GRIK2: variants seen among roughly 807,000 people sequenced by gnomAD.
GRIK2 encodes the protein glutamate receptor ionotropic, kainate 2.
A neutral mutation model predicts 100.3 loss-of-function variants in GRIK2; 32 were observed. That is an observed-to-expected ratio of 0.32 (90% confidence interval 0.24 to 0.43). GRIK2 has a LOEUF of 0.43. Ranked by LOEUF, GRIK2 falls within the 20% of genes least tolerant of loss-of-function variation. The pLI is 1.00. For synonymous variants in GRIK2, 417 were observed against 389.4 expected (o/e 1.07, Z -0.83); for missense variants, 843 against 1,114.9 (o/e 0.76, Z 3.47).
intron 7 of GRIK2, among the ~76,000 whole-genome samples, chr6:101,740,046 A>G (rs930324494): frequency 3.9e-5 from 6 of 152,194 alleles, no homozygotes; most frequent in South Asian, 2.1e-4. Context: ...CTCTCTGGGA[A>G]TGATATGGTG....
At chr6:101,509,049 T>C (rs1007091535) in intron 2 of GRIK2, among the ~76,000 whole-genome samples, 10 of 150,842 alleles carry the variant, frequency 6.6e-5, no homozygotes, top group Non-Finnish European at 1.2e-4. Context: ...TCACAGCTAC[T>C]CGGGAGGCTG....
intron 16 of GRIK2, among the ~76,000 whole-genome samples, chr6:102,062,723 A>T (rs950532119): frequency 2.0e-5 from 3 of 150,494 alleles, no homozygotes; most frequent in African/African-American, 7.3e-5. Context: ...AGGTCAATTC[A>T]TACTTCTGAT....
intron 2 of GRIK2, among the ~76,000 whole-genome samples, chr6:101,604,887 C>G (rs190626560): frequency 6.6e-6 from 1 of 151,876 alleles, no homozygotes; most frequent in Admixed American, 6.6e-5. Context: ...CAGCAGGTAG[C>G]TTGAATCTTC....
chr6:101,633,638 A>G (rs1049005885), intron 4 of GRIK2, among the ~76,000 whole-genome samples: 2 of 152,200 alleles, frequency 1.3e-5, no homozygotes, highest in Non-Finnish European at 2.9e-5. Flanking sequence ...TAGGAAATTC[A>G]GGAACTACAA....
At chr6:101,683,882 G>A (rs529711972) in intron 6 of GRIK2, among the ~76,000 whole-genome samples, 1 of 152,126 alleles carries the variant, frequency 6.6e-6, no homozygotes, top group African/African-American at 2.4e-5. Flanking sequence ...TTTTTCCTTT[G>A]TAGTGTCTCT....
chr6:101,608,527 G>T (rs1779533479), intron 2 of GRIK2, among the ~76,000 whole-genome samples: 2 of 151,888 alleles, frequency 1.3e-5, no homozygotes, highest in South Asian at 2.1e-4. Context: ...CTTGCTCAAA[G>T]ATTATTCCTT....
intron 11 of GRIK2, among the ~76,000 whole-genome samples, chr6:101,862,705 A>T (rs1473300846): frequency 1.3e-5 from 2 of 152,128 alleles, no homozygotes; most frequent in Non-Finnish European, 2.9e-5. Flanking sequence ...GATTATCGAC[A>T]TGAGCCACTG....
At chr6:101,473,107 TCC>T (rs1772036344) in intron 2 of GRIK2, among the ~76,000 whole-genome samples, 1 of 18,282 alleles carries the variant, frequency 5.5e-5, no homozygotes, top group Admixed American at 5.3e-4. Context: ...TTTCCTTCCT[TCC>T]TTCCTTCCTT....
At chr6:102,051,168 G>A (rs1171231040) in intron 15 of GRIK2, among the ~76,000 whole-genome samples, 7 of 152,002 alleles carry the variant, frequency 4.6e-5, no homozygotes, top group Non-Finnish European at 8.8e-5. Flanking sequence ...CTCATTTGGA[G>A]CATCAGGTCT....
chr6:101,844,336 A>C (rs2518198), intron 10 of GRIK2, among the ~76,000 whole-genome samples: 109,754 of 152,050 alleles, frequency 0.72, 42,128 homozygotes, highest in Non-Finnish European at 0.87. Context: ...AATAAGGAAA[A>C]AAGATGGGAG....
intron 4 of GRIK2, among the ~76,000 whole-genome samples, chr6:101,645,245 A>G (rs1781467993): frequency 6.6e-6 from 1 of 151,836 alleles, no homozygotes; most frequent in South Asian, 2.1e-4. Context: ...CTTAAACTAT[A>G]GTGTTACAAA....
At chr6:101,542,625 A>T (rs1259141539) in intron 2 of GRIK2, among the ~76,000 whole-genome samples, 1 of 152,158 alleles carries the variant, frequency 6.6e-6, no homozygotes, top group Non-Finnish European at 1.5e-5. Flanking sequence ...AGTTCAAAAC[A>T]TTACCGAGTT....
chr6:101,895,712 C>CA (rs201118964), intron 12 of GRIK2, among the ~76,000 whole-genome samples: 2,188 of 150,706 alleles, frequency 0.015, 43 homozygotes, highest in African/African-American at 0.05. Flanking sequence ...AGCTTTTTAC[C>CA]AAAAAAAACG....
At chr6:101,598,309 G>T (rs557088003) in intron 2 of GRIK2, among the ~76,000 whole-genome samples, 1 of 151,568 alleles carries the variant, frequency 6.6e-6, no homozygotes, top group East Asian at 2.0e-4. Context: ...AGAACTGTTT[G>T]TCTTTCCTTT....
At position 102,055,362 on chromosome 6, in the gene GRIK2, A is replaced by G; in HGVS notation, c.2344A>G (p.Ile782Val). ...SPYRDKITIA[I>V]LQLQEEGKLH... ...ATATCGAGACAAAATTACCATAGCAATTCTTCAGCTGCAAGAGGAAGGCAA... is the reference window on the plus strand; with the variant it reads ...ATATCGAGACAAAATTACCATAGCAGTTCTTCAGCTGCAAGAGGAAGGCAA... The change falls in exon 16 of 17, where the codon ATT (isoleucine) becomes GTT (valine). Residue 782 changes from isoleucine to valine, a missense_variant. Coordinates refer to ENST00000369134, the MANE Select transcript of GRIK2 (RefSeq NM_021956.5). The G allele has an allele frequency of 6.2e-7, 1 of 1,611,700 alleles. No individual in the cohort carries two copies. The highest frequency in any genetic ancestry group is 8.5e-7 in the Non-Finnish European group (1 of 1,177,908).
At chr6:101,409,954 T>G (rs909694955) in intron 2 of GRIK2, among the ~76,000 whole-genome samples, 1 of 152,066 alleles carries the variant, frequency 6.6e-6, no homozygotes, top group African/African-American at 2.4e-5. Context: ...TATACCTCAA[T>G]TATTACAAAT....
At chr6:101,520,183 G>A (rs1412250574) in intron 2 of GRIK2, among the ~76,000 whole-genome samples, 1 of 131,230 alleles carries the variant, frequency 7.6e-6, no homozygotes, top group East Asian at 2.2e-4. Context: ...TATTATAAAT[G>A]GAAGAGAAAT....
Position 101,404,176 on chromosome 6 carries a change from G to GT in GRIK2, c.115+4785dup, listed in dbSNP as rs764722141. Among the ~76,000 whole-genome samples, 59 of 152,276 alleles carry GT rather than the reference G, an allele frequency of 3.9e-4. 1 individual carries two copies. Among genetic ancestry groups the GT allele is most frequent in the Middle Eastern group, 3.4e-3 (1 of 294 alleles). On this transcript the variant is annotated intron_variant, in intron 2 of 16. Coordinates refer to ENST00000369134, the MANE Select transcript of GRIK2 (RefSeq NM_021956.5). The stretch of plus-strand genomic sequence containing the variant: ...AGCTTTGCTTTTTGGTTTAATGCAA[G>GT]TGATCATTACGATGTGTTCATTCCT...
At chr6:101,756,365 A>C (rs898860335) in intron 7 of GRIK2, among the ~76,000 whole-genome samples, 4 of 79,608 alleles carry the variant, frequency 5.0e-5, no homozygotes, top group Admixed American at 1.4e-4. Flanking sequence ...TAGAAAATTA[A>C]GTTTCTTATC....
Sources: gnomAD v4.1 joint callset for allele counts (sites outside exome capture counted in the v4.1 genomes callset) on GRCh38, gnomAD v4.1.1 for gene constraint, MANE v1.5 for transcripts, NCBI Gene and HGNC (gene_info 2026-07-23, HGNC 2026-07-21) for gene names.